The following NEXMIF variants were observed in gnomAD, a reference collection of about 807,000 sequenced individuals.
NEXMIF encodes the protein neurite extension and migration factor, also known as XLMR protein related to neurite extension.
In NEXMIF, 8 loss-of-function variants were observed where a neutral mutation model predicts 62.1. The ratio of observed to expected loss-of-function variants is 0.13; its 90% CI spans 0.08 to 0.23. NEXMIF has a LOEUF of 0.23. Ranked by LOEUF, NEXMIF falls within the 10% of genes least tolerant of loss-of-function variation. The pLI, the probability that NEXMIF is intolerant of heterozygous loss-of-function variation, is 1.00. For synonymous variants in NEXMIF, 404 were observed against 416.6 expected, an observed-to-expected ratio of 0.97 and a Z score of 0.37; for missense variants, 976 against 1,113.3, an observed-to-expected ratio of 0.88 and a Z score of 1.75.
chrX:74,853,103 G>T (rs1006643441), intron 1 of NEXMIF, among the ~76,000 whole-genome samples: 1 of 110,778 alleles, frequency 9.0e-6, no homozygotes, highest in African/African-American at 3.3e-5. Flanking sequence ...AGTTGAGAAA[G>T]AATTCAAGAC....
chrX:74,891,847 A>G lies in NEXMIF; in HGVS notation c.-48+33036T>C, dbSNP rs771358979. Among the ~76,000 whole-genome samples the G allele has an allele frequency of 3.6e-5, 4 of 111,983 alleles. No homozygotes were observed. In the South Asian group the frequency reaches 1.5e-3, roughly 42 times the overall value. ...GCTATGTTCTCTAAACATTTGATTC[A>G]GTCTCTTCTACTTCTCCGACATGGC... On this transcript the variant is annotated intron_variant, in intron 1 of 3. Transcript: ENST00000055682.
chrX:74,750,415 G>T (rs1405988070), intron 1 of NEXMIF, among the ~76,000 whole-genome samples: 2 of 111,848 alleles, frequency 1.8e-5, no homozygotes, highest in African/African-American at 6.5e-5. Flanking sequence ...CCATTATCAG[G>T]TACAACATGT....
chrX:74,775,880 T>C (rs1388261869), intron 1 of NEXMIF, among the ~76,000 whole-genome samples: 1 of 111,600 alleles, frequency 9.0e-6, no homozygotes, highest in Non-Finnish European at 1.9e-5. Context: ...TGAAGAATAG[T>C]GTGTCACCTT....
At chrX:74,747,443 T>A (rs2080129061) in intron 1 of NEXMIF, among the ~76,000 whole-genome samples, 1 of 111,011 alleles carries the variant, frequency 9.0e-6, no homozygotes, top group South Asian at 3.9e-4. Flanking sequence ...TCTCCATGAT[T>A]CTTACCAACT....
chrX:74,866,184 G>T (rs577430096), intron 1 of NEXMIF, among the ~76,000 whole-genome samples: 1 of 112,028 alleles, frequency 8.9e-6, no homozygotes, highest in Non-Finnish European at 1.9e-5. Flanking sequence ...GCCCAAGGCC[G>T]TGGGATCCCA....
chrX:74,738,113 T>C lies in NEXMIF; in HGVS notation c.*1292A>G, dbSNP rs2080090597. 9.0e-6 allele frequency: 1 copy of C among 111,203 alleles called. No individual in the cohort carries two copies. Among genetic ancestry groups the C allele is most frequent in the Non-Finnish European group, 1.9e-5 (1 of 52,993 alleles). 9.2% of individuals were successfully genotyped at this position (111,203 alleles called of 1,213,427 possible). A position where few individuals can be genotyped will look rare whatever the true frequency, so the allele number is the denominator to read the frequency against. On this transcript the variant is annotated 3_prime_UTR_variant, in exon 4 of 4. Transcript: ENST00000055682. ...GTAGTAGTGAGGAATGTTGGGGCTG[T>C]GAAATTTTTTTTAAAAAGTAGGGGG...
chrX:74,776,454 G>A (rs750277779), intron 1 of NEXMIF, among the ~76,000 whole-genome samples: 5 of 111,291 alleles, frequency 4.5e-5, no homozygotes, highest in East Asian at 5.6e-4. Flanking sequence ...GGCCGGGCGC[G>A]GTGGCTCACG....
At chrX:74,842,661 G>C (rs2080477802) in intron 1 of NEXMIF, among the ~76,000 whole-genome samples, 1 of 111,796 alleles carries the variant, frequency 8.9e-6, no homozygotes, top group Non-Finnish European at 1.9e-5. Flanking sequence ...AGAGATTCTG[G>C]CATGTTGTAT....
At chrX:74,844,258 G>A (rs779084233) in intron 1 of NEXMIF, among the ~76,000 whole-genome samples, 2 of 111,011 alleles carry the variant, frequency 1.8e-5, no homozygotes, top group East Asian at 5.7e-4. Flanking sequence ...TGTGTGTCTT[G>A]GGGATGATCT....
At chrX:74,770,294 A>C (rs1198271399) in intron 1 of NEXMIF, among the ~76,000 whole-genome samples, 2 of 111,954 alleles carry the variant, frequency 1.8e-5, no homozygotes, top group African/African-American at 3.2e-5. Context: ...GATTTTCCTA[A>C]ATATCTGGGA....
At chrX:74,801,508 A>G (rs1403883329) in intron 1 of NEXMIF, among the ~76,000 whole-genome samples, 1 of 111,765 alleles carries the variant, frequency 8.9e-6, no homozygotes, top group East Asian at 2.8e-4. Context: ...CTTGAAAGGA[A>G]GAACCCAGTC....
chrX:74,789,118 C>T (rs1449801655), intron 1 of NEXMIF, among the ~76,000 whole-genome samples: 6 of 77,752 alleles, frequency 7.7e-5, no homozygotes, highest in Non-Finnish European at 1.4e-4. Flanking sequence ...CCAATGCTAT[C>T]CCTCCCCCTC....
intron 1 of NEXMIF, among the ~76,000 whole-genome samples, chrX:74,873,866 G>C (rs2080615739): frequency 9.0e-6 from 1 of 110,567 alleles, no homozygotes; most frequent in Non-Finnish European, 1.9e-5. Flanking sequence ...AAATTTGTTT[G>C]AGTTCATTGT....
At chrX:74,924,205 T>C (rs1026763680) in intron 1 of NEXMIF, among the ~76,000 whole-genome samples, 4 of 111,243 alleles carry the variant, frequency 3.6e-5, no homozygotes, top group African/African-American at 1.3e-4. Context: ...AGCCGACGTG[T>C]GCTGCGGGGC....
At chrX:74,764,185 T>C (rs1286509073) in intron 1 of NEXMIF, among the ~76,000 whole-genome samples, 4 of 112,072 alleles carry the variant, frequency 3.6e-5, no homozygotes, top group Non-Finnish European at 7.5e-5. Context: ...GAAAGGCTGT[T>C]GAATTTTGTC....
At chrX:74,814,581 G>A (rs181914018) in intron 1 of NEXMIF, among the ~76,000 whole-genome samples, 1 of 112,004 alleles carries the variant, frequency 8.9e-6, no homozygotes, top group East Asian at 2.8e-4. Flanking sequence ...GGAATTTCCA[G>A]TTTACATAGG....
At chrX:74,839,213 AG>A (rs1273087313) in intron 1 of NEXMIF, among the ~76,000 whole-genome samples, 1 of 111,656 alleles carries the variant, frequency 9.0e-6, no homozygotes, top group Non-Finnish European at 1.9e-5. Flanking sequence ...AGGTGGAAAA[AG>A]GGTGGGAATC....
At chrX:74,885,512 T>C (rs1424260967) in intron 1 of NEXMIF, among the ~76,000 whole-genome samples, 3 of 111,551 alleles carry the variant, frequency 2.7e-5, no homozygotes, top group Admixed American at 1.9e-4. Flanking sequence ...GAGAATACTA[T>C]AAACACCTCT....
intron 1 of NEXMIF, among the ~76,000 whole-genome samples, chrX:74,874,147 T>C (rs2080617462): frequency 9.2e-6 from 1 of 108,953 alleles, no homozygotes; most frequent in Non-Finnish European, 1.9e-5. Context: ...AAGTCTTTAA[T>C]CCATCTTGAA....
Sources: allele counts gnomAD v4.1 joint callset (sites outside exome capture counted in the v4.1 genomes callset), GRCh38; gene constraint gnomAD v4.1.1; transcripts MANE v1.5; gene names NCBI Gene and HGNC (gene_info 2026-07-23, HGNC 2026-07-21).